EYA3: variants seen among roughly 807,000 people sequenced by gnomAD.
The protein encoded by EYA3 is protein phosphatase EYA3.
Under a neutral mutation model 80.0 loss-of-function variants are expected in EYA3, and 39 were observed. That is an observed-to-expected ratio of 0.49 (90% CI 0.38 to 0.64). The LOEUF (loss-of-function observed/expected upper bound fraction) is 0.64, where lower values mean the gene tolerates loss of function less well. Among genes scored for constraint, EYA3 ranks in the 30% least tolerant of loss-of-function variants. EYA3 has a pLI of 0.00. For missense variants in EYA3, 523 were observed against 676.1 expected (o/e 0.77, Z 2.51); for synonymous variants, 206 against 232.8 (o/e 0.88, Z 1.05).
At chr1:28,065,083 T>G (rs1644783799) in intron 1 of EYA3, among the ~76,000 whole-genome samples, 1 of 152,234 alleles carries the variant, frequency 6.6e-6, no homozygotes, top group Non-Finnish European at 1.5e-5. Context: ...AGTTGACCCC[T>G]GAACCCACAG....
chr1:27,981,501 G>A (rs1466778663), intron 16 of EYA3, among the ~76,000 whole-genome samples: 1 of 152,092 alleles, frequency 6.6e-6, no homozygotes, highest in Admixed American at 6.6e-5. Flanking sequence ...TATCTGAAGG[G>A]AGCGCTTTCA....
At chr1:28,014,416 TCAAAAAAAA>T (rs1276164819) in intron 8 of EYA3, among the ~76,000 whole-genome samples, 1 of 44,156 alleles carries the variant, frequency 2.3e-5, no homozygotes, top group African/African-American at 1.1e-4. Context: ...ACACACTGTC[TCAAAAAAAA>T]AAAAAAAAAA....
intron 1 of EYA3, among the ~76,000 whole-genome samples, chr1:28,058,814 G>A (rs1229446390): frequency 6.6e-6 from 1 of 152,106 alleles, no homozygotes; most frequent in East Asian, 1.9e-4. Context: ...AACAAAAAAG[G>A]AAAAATGGGA....
At chr1:28,058,769 G>A (rs995270423) in intron 1 of EYA3, among the ~76,000 whole-genome samples, 8 of 152,018 alleles carry the variant, frequency 5.3e-5, no homozygotes, top group Non-Finnish European at 7.4e-5. Flanking sequence ...AAATCTTTAC[G>A]TTCTCAGACC....
At position 28,013,383 on chromosome 1, in the gene EYA3, A is replaced by G. The variant is rs1641826582; in HGVS notation, c.586-89T>C. On this transcript the variant is annotated intron_variant, in intron 8 of 17. Transcript: ENST00000373871. This position sits in a 1 kb window ranked among gnomAD's most constrained non-coding sequence, Gnocchi z 4.0. ...GCTTTCTTCTCCCTCTTTCTTATTC[A>G]TAATTATTTTTCTAAAACATTAATT... The G allele has an allele frequency of 8.8e-7, 1 of 1,140,374 alleles. No homozygotes were observed. Among genetic ancestry groups the G allele is most frequent in the Non-Finnish European group, 1.2e-6 (1 of 831,544 alleles). The allele number at this position is 1,140,374 out of a possible 1,614,324, so 70.6% of individuals were successfully genotyped here.
At chr1:27,987,542 C>T (rs1476306494) in intron 16 of EYA3, among the ~76,000 whole-genome samples, 1 of 152,218 alleles carries the variant, frequency 6.6e-6, no homozygotes, top group Non-Finnish European at 1.5e-5. Context: ...ACTCAAACTC[C>T]TGGGCTCAAG....
chr1:28,066,442 A>T (rs1644839833), intron 1 of EYA3, among the ~76,000 whole-genome samples: 1 of 152,214 alleles, frequency 6.6e-6, no homozygotes, highest in African/African-American at 2.4e-5. Context: ...TCAAATCTAT[A>T]AAGTATTTAA....
intron 11 of EYA3, among the ~76,000 whole-genome samples, chr1:28,004,125 T>C (rs1641095376): frequency 6.6e-6 from 1 of 152,234 alleles, no homozygotes. Flanking sequence ...TTGGTTCTAG[T>C]AGTTTCTAAC....
At chr1:27,998,830 G>A (rs1440081994) in intron 12 of EYA3, among the ~76,000 whole-genome samples, 1 of 152,084 alleles carries the variant, frequency 6.6e-6, no homozygotes, top group Non-Finnish European at 1.5e-5. Context: ...GTGCAGTAGT[G>A]CAATCTTTGC....
intron 5 of EYA3, among the ~76,000 whole-genome samples, chr1:28,038,532 C>T (rs1377126759): frequency 6.8e-6 from 1 of 146,900 alleles, no homozygotes; most frequent in Non-Finnish European, 1.5e-5. Flanking sequence ...TGTCAAGGTA[C>T]AGGACAGAGA....
chr1:28,046,593 A>G (rs1286892823), intron 3 of EYA3, among the ~76,000 whole-genome samples: 3 of 152,150 alleles, frequency 2.0e-5, no homozygotes, highest in East Asian at 3.9e-4. Context: ...GAAATCAGAC[A>G]TACCAGGAAG....
chr1:28,075,317 C>A (rs1645162393), intron 1 of EYA3, among the ~76,000 whole-genome samples: 1 of 152,186 alleles, frequency 6.6e-6, no homozygotes, highest in African/African-American at 2.4e-5. Context: ...GCCTATTATT[C>A]GATCTAACTA....
At chr1:28,024,549 C>T (rs989408788) in intron 7 of EYA3, among the ~76,000 whole-genome samples, 5 of 151,960 alleles carry the variant, frequency 3.3e-5, no homozygotes, top group Middle Eastern at 3.4e-3. Flanking sequence ...CCCAGCTACA[C>T]GGGAGGCTGA....
chr1:28,065,914 A>G (rs1210980726), intron 1 of EYA3, among the ~76,000 whole-genome samples: 1 of 151,958 alleles, frequency 6.6e-6, no homozygotes, highest in Non-Finnish European at 1.5e-5. Context: ...GAGGCAGGAG[A>G]ACTGCTTGAA....
rs980215036 is a variant in EYA3 at position 28,053,041 on chromosome 1, G to A, written c.34-4615C>T. On this transcript the variant is annotated intron_variant, in intron 2 of 17. Transcript: ENST00000373871. ...TGGTGGCTCACACCTGTAATCCTAGGTACTCAGGAGGGTGAGATGGGAGGA... is the reference window on the plus strand; with the variant it reads ...TGGTGGCTCACACCTGTAATCCTAGATACTCAGGAGGGTGAGATGGGAGGA... 2.0e-5 allele frequency among the ~76,000 whole-genome samples: 3 copies of A among 150,730 alleles called. No individual in the cohort carries two copies. The South Asian group carries it at 6.3e-4, about 31-fold the overall frequency.
chr1:27,977,144 T>G, intron 17 of EYA3: 2 of 1,421,696 alleles, frequency 1.4e-6, no homozygotes, highest in Non-Finnish European at 1.8e-6. Context: ...CACCCACTAG[T>G]GTCTTTCCCA....
In EYA3 at chr1:27,973,908, TAA is replaced by T. The variant is rs1040325965; in HGVS notation, c.*556_*557del. 1 of 152,152 alleles carries T rather than the reference TAA, an allele frequency of 6.6e-6. No individual in the cohort carries two copies. The highest frequency in any genetic ancestry group is 6.5e-5 in the Admixed American group (1 of 15,278). The allele number at this position is 152,152 out of a possible 1,614,324, so 9.4% of individuals were successfully genotyped here. On this transcript the variant is annotated 3_prime_UTR_variant, in exon 18 of 18. Transcript: ENST00000373871. Reference sequence around the variant, plus strand: ...AAATAACATACACATTCGCTGGAAATAAGTGAGATTCTAAGCTAAGGAGACTC... The same window carrying T: ...AAATAACATACACATTCGCTGGAAATGTGAGATTCTAAGCTAAGGAGACTC...
chr1:28,011,136 AATC>A (rs778197205), intron 9 of EYA3, 50 bp from the exon 10 acceptor site: 2 of 1,585,222 alleles, frequency 1.3e-6, no homozygotes, highest in South Asian at 2.3e-5. Flanking sequence ...AGGCTATAAG[AATC>A]AGGGCAGGAA....
chr1:28,005,631 C>G (rs1030277241), intron 10 of EYA3, among the ~76,000 whole-genome samples: 2 of 151,900 alleles, frequency 1.3e-5, no homozygotes, highest in Admixed American at 1.3e-4. Context: ...GGGAGGATCA[C>G]TTGGGCGTGG....
Sources: allele counts gnomAD v4.1 joint callset (sites outside exome capture counted in the v4.1 genomes callset), GRCh38; gene constraint gnomAD v4.1.1; non-coding constraint Gnocchi (gnomAD v3.1); transcripts MANE v1.5; gene names NCBI Gene and HGNC (gene_info 2026-07-23, HGNC 2026-07-21).